The following PCYT1B variants were observed in gnomAD, a reference collection of about 807,000 sequenced individuals.
PCYT1B encodes the protein phosphate cytidylyltransferase 1B, choline.
In PCYT1B, 10 loss-of-function variants were observed where a neutral mutation model predicts 26.4. The ratio of observed to expected loss-of-function variants is 0.38; its 90% CI spans 0.23 to 0.64. PCYT1B has a LOEUF of 0.64. PCYT1B is among the 30% of genes least tolerant of loss of function. The pLI is 0.56. For missense variants in PCYT1B, 161 were observed against 292.7 expected, an observed-to-expected ratio of 0.55 and a Z score of 3.28; for synonymous variants, 131 against 108.4, an observed-to-expected ratio of 1.21 and a Z score of -1.29.
At chrX:24,631,125 T>C (rs1478435800) in intron 1 of PCYT1B, among the ~76,000 whole-genome samples, 1 of 111,362 alleles carries the variant, frequency 9.0e-6, no homozygotes, top group East Asian at 2.8e-4. Flanking sequence ...GGTTTCACCA[T>C]GTTGGCCAGG....
intron 2 of PCYT1B, among the ~76,000 whole-genome samples, chrX:24,617,452 A>T (rs865854891): frequency 1.8e-3 from 145 of 82,719 alleles, no homozygotes; most frequent in South Asian, 0.013. Flanking sequence ...TATTATTATT[A>T]TTTTTTTTTT....
intron 1 of PCYT1B, among the ~76,000 whole-genome samples, chrX:24,637,533 G>A (rs907651859): frequency 3.7e-5 from 3 of 82,184 alleles, no homozygotes; most frequent in African/African-American, 5.7e-5. Context: ...GCGTGGTGGC[G>A]TGCACCTGTA....
intron 1 of PCYT1B, among the ~76,000 whole-genome samples, chrX:24,644,625 C>T (rs776885029): frequency 5.4e-5 from 6 of 111,696 alleles, no homozygotes; most frequent in Non-Finnish European, 9.4e-5. Context: ...AGCAGTGTGA[C>T]CCTTGGGCAA....
rs369488003 is a variant in PCYT1B at position 24,562,085 on chromosome X, C to T, written c.*208G>A. The T allele has an allele frequency of 8.3e-7, 1 of 1,207,848 alleles. No homozygotes were observed. Among genetic ancestry groups the T allele is most frequent in the Non-Finnish European group, 1.1e-6 (1 of 893,570 alleles). On this transcript the variant is annotated 3_prime_UTR_variant, in exon 8 of 8. Coordinates refer to ENST00000379144, the MANE Select transcript of PCYT1B (RefSeq NM_004845.5). ...GCTAAGGTTTGTGTAGGTTGTCCAG[C>T]TAGAAGTCTCTGCACCTCGCCCAAC...
At chrX:24,664,602 G>A (rs1927089436) in intron 1 of PCYT1B, among the ~76,000 whole-genome samples, 1 of 112,086 alleles carries the variant, frequency 8.9e-6, no homozygotes, top group Admixed American at 9.5e-5. Context: ...CAATGGGGGA[G>A]GATTGAGATG....
At chrX:24,595,887 A>G (rs1348155507) in intron 3 of PCYT1B, among the ~76,000 whole-genome samples, 1 of 109,609 alleles carries the variant, frequency 9.1e-6, no homozygotes, top group Non-Finnish European at 1.9e-5. Context: ...TCTCAAAGAA[A>G]AAAAAAAAAA....
intron 2 of PCYT1B, among the ~76,000 whole-genome samples, chrX:24,618,623 C>CTT (rs5901757): frequency 9.8e-4 from 98 of 100,278 alleles, no homozygotes; most frequent in East Asian, 2.8e-3. Context: ...CTTTCTGATA[C>CTT]TTTTTTTTTT....
intron 6 of PCYT1B, among the ~76,000 whole-genome samples, chrX:24,578,378 AC>A (rs1403988204): frequency 9.0e-6 from 1 of 111,370 alleles, no homozygotes; most frequent in Non-Finnish European, 1.9e-5. Flanking sequence ...TAGGAGAAAT[AC>A]CTAATGTAGA....
In PCYT1B at chrX:24,560,084, C is replaced by T. The variant is rs1187468100; in HGVS notation, c.*2209G>A. 1 of 112,065 alleles carries T rather than the reference C, an allele frequency of 8.9e-6. No individual in the cohort carries two copies. The highest frequency in any genetic ancestry group is 3.2e-5 in the African/African-American group (1 of 30,842). The allele number at this position is 112,065 out of a possible 1,213,427, so 9.2% of individuals were successfully genotyped here. On this transcript the variant is annotated 3_prime_UTR_variant, in exon 8 of 8. Transcript: ENST00000379144. ...TAAGGCCTGCAAATGTATAGTCAGC[C>T]TGATACACTATTTGCTCCAGAGTAT...
At chrX:24,586,290 T>C (rs1001952234) in intron 5 of PCYT1B, among the ~76,000 whole-genome samples, 3 of 111,794 alleles carry the variant, frequency 2.7e-5, no homozygotes, top group Non-Finnish European at 5.7e-5. Flanking sequence ...AGGCAGGGAG[T>C]TCTCCATCAT....
rs1923356388 is a variant in PCYT1B at position 24,560,224 on chromosome X, G to C, written c.*2069C>G. On this transcript the variant is annotated 3_prime_UTR_variant, in exon 8 of 8. Coordinates refer to ENST00000379144, the MANE Select transcript of PCYT1B (RefSeq NM_004845.5). The stretch of plus-strand genomic sequence containing the variant: ...GTCCTGAAATGGTTTTATGAGAGCA[G>C]ATTTTCTTTATCCTCCTTTCCTCCC... 1 of 111,927 alleles carries C rather than the reference G, an allele frequency of 8.9e-6. No homozygotes were observed. Among genetic ancestry groups the C allele is most frequent in the African/African-American group, 3.3e-5 (1 of 30,759 alleles). 9.2% of individuals were successfully genotyped at this position (111,927 alleles called of 1,213,427 possible).
chrX:24,616,042 C>A (rs1221625189), intron 2 of PCYT1B, among the ~76,000 whole-genome samples: 2 of 110,937 alleles, frequency 1.8e-5, no homozygotes, highest in East Asian at 5.7e-4. Flanking sequence ...AGAAAGGATA[C>A]AATAATAGTC....
chrX:24,638,675 G>T (rs1926374547), intron 1 of PCYT1B, among the ~76,000 whole-genome samples: 1 of 111,401 alleles, frequency 9.0e-6, no homozygotes, highest in African/African-American at 3.3e-5. Flanking sequence ...GAGAAGCTTT[G>T]TGTGGGGCAC....
At chrX:24,654,814 A>G (rs1404086085) in intron 1 of PCYT1B, among the ~76,000 whole-genome samples, 1 of 108,328 alleles carries the variant, frequency 9.2e-6, no homozygotes, top group Non-Finnish European at 1.9e-5. Flanking sequence ...GGAGATGGAA[A>G]ACACGGGGTA....
intron 7 of PCYT1B, among the ~76,000 whole-genome samples, chrX:24,567,089 T>G (rs1345429183): frequency 8.9e-6 from 1 of 112,211 alleles, no homozygotes; most frequent in Non-Finnish European, 1.9e-5. Context: ...CACTTTAAAA[T>G]ATGTGTTTTT....
chrX:24,597,332 T>C (rs1239644328), intron 3 of PCYT1B, among the ~76,000 whole-genome samples: 2 of 110,159 alleles, frequency 1.8e-5, no homozygotes, highest in Non-Finnish European at 3.8e-5. Context: ...ACCATGTTGG[T>C]CAGGCTGGTC....
intron 2 of PCYT1B, 135 bp from the exon 3 acceptor site, chrX:24,607,996 G>T: frequency 2.3e-6 from 1 of 427,236 alleles, no homozygotes; most frequent in South Asian, 4.2e-5. Flanking sequence ...GCACGAAATT[G>T]ATTTTAAAGG....
intron 2 of PCYT1B, among the ~76,000 whole-genome samples, chrX:24,611,644 G>A (rs1371140609): frequency 9.0e-6 from 1 of 111,138 alleles, no homozygotes; most frequent in Non-Finnish European, 1.9e-5. Context: ...GGGAAAGGTG[G>A]TAGACATTAT....
intron 7 of PCYT1B, among the ~76,000 whole-genome samples, chrX:24,572,028 G>A (rs1260168161): frequency 9.0e-6 from 1 of 111,255 alleles, no homozygotes; most frequent in Non-Finnish European, 1.9e-5. Flanking sequence ...GTCAGGTTAG[G>A]GGAGGGGAAA....
Sources: gnomAD v4.1 joint callset for allele counts (sites outside exome capture counted in the v4.1 genomes callset) on GRCh38, gnomAD v4.1.1 for gene constraint, MANE v1.5 for transcripts, NCBI Gene and HGNC (gene_info 2026-07-23, HGNC 2026-07-21) for gene names.